The following ADGRL2 variants were observed in gnomAD, a reference collection of about 807,000 sequenced individuals.
ADGRL2 encodes the protein adhesion G protein-coupled receptor L2.
Under a neutral mutation model 157.4 loss-of-function variants are expected in ADGRL2, and 44 were observed. The observed-to-expected ratio is 0.28, with a 90% CI of 0.22 to 0.36. ADGRL2 has a LOEUF of 0.36. Ranked by LOEUF, ADGRL2 falls within the 10% of genes least tolerant of loss-of-function variation. ADGRL2 has a pLI of 1.00. For missense variants in ADGRL2, 1,510 were observed against 1,768.9 expected, an observed-to-expected ratio of 0.85 and a Z score of 2.63; for synonymous variants, 585 against 624.7, an observed-to-expected ratio of 0.94 and a Z score of 0.95.
chr1:81,817,112 C>T (rs556169240), intron 1 of ADGRL2, among the ~76,000 whole-genome samples: 2 of 152,008 alleles, frequency 1.3e-5, no homozygotes, highest in African/African-American at 4.8e-5. Context: ...ACGCTCCTAC[C>T]TTTTGTAGTC....
chr1:81,859,824 G>A (rs1466185643), intron 2 of ADGRL2, among the ~76,000 whole-genome samples: 3 of 151,928 alleles, frequency 2.0e-5, no homozygotes, highest in African/African-American at 7.3e-5. Context: ...TAAATCCTAA[G>A]CAAATTCAGA....
chr1:81,364,958 C>G (rs933964979), intron 1 of ADGRL2, among the ~76,000 whole-genome samples: 7 of 152,096 alleles, frequency 4.6e-5, no homozygotes, highest in African/African-American at 1.7e-4. Context: ...GCCACTGCCC[C>G]CAGCCGGTAA....
chr1:81,398,274 T>A (rs1223298498), intron 1 of ADGRL2, among the ~76,000 whole-genome samples: 1 of 152,188 alleles, frequency 6.6e-6, no homozygotes, highest in Non-Finnish European at 1.5e-5. Context: ...TGTATAACTT[T>A]TAAGTAAGGA....
At chr1:81,896,519 A>G (rs2094391994) in intron 2 of ADGRL2, among the ~76,000 whole-genome samples, 1 of 152,096 alleles carries the variant, frequency 6.6e-6, no homozygotes, top group African/African-American at 2.4e-5. Context: ...GATTTTTGAA[A>G]AAACATTTTC....
chr1:81,476,232 A>C (rs930405372), intron 2 of ADGRL2, among the ~76,000 whole-genome samples: 6 of 152,284 alleles, frequency 3.9e-5, no homozygotes, highest in African/African-American at 1.2e-4. Flanking sequence ...AGGAAGGAAG[A>C]AAGTACAATC....
chr1:81,747,809 T>C (rs1271155517), intron 1 of ADGRL2, among the ~76,000 whole-genome samples: 1 of 151,970 alleles, frequency 6.6e-6, no homozygotes, highest in Non-Finnish European at 1.5e-5. Flanking sequence ...GGTAGATTTC[T>C]TTTTATTGGA....
In ADGRL2 at chr1:81,906,994, T is replaced by C. The variant is rs781770647; in HGVS notation, c.74-23T>C. On this transcript the variant is annotated intron_variant, in intron 2 of 23. Transcript: ENST00000686636. ...ATCTTATAAATGAGTTACAGTTTAA[T>C]TTTCTTTCTTTTTTATTTTAAGGTT... is the stretch of plus-strand genomic sequence containing the variant. 2.5e-6 allele frequency: 4 copies of C among 1,577,718 alleles called. No homozygotes were observed. In the East Asian group the frequency reaches 6.8e-5, roughly 27 times the overall value.
chr1:81,721,029 A>G (rs1244208948), intron 1 of ADGRL2, among the ~76,000 whole-genome samples: 1 of 144,962 alleles, frequency 6.9e-6, no homozygotes, highest in Non-Finnish European at 1.5e-5. Flanking sequence ...AATTTAAACA[A>G]TTTCCTTTTT....
At chr1:81,455,790 G>A (rs1300030241) in intron 2 of ADGRL2, among the ~76,000 whole-genome samples, 1 of 152,128 alleles carries the variant, frequency 6.6e-6, no homozygotes, top group African/African-American at 2.4e-5. Context: ...AATTTGAAAC[G>A]TGAAAGACAT....
intron 1 of ADGRL2, among the ~76,000 whole-genome samples, chr1:81,732,919 T>C (rs1426375445): frequency 2.6e-5 from 4 of 152,242 alleles, no homozygotes; most frequent in Non-Finnish European, 4.4e-5. Flanking sequence ...ATGATAAGGG[T>C]TTTTATTTTG....
intron 1 of ADGRL2, among the ~76,000 whole-genome samples, chr1:81,746,647 G>A (rs1180009553): frequency 6.6e-6 from 1 of 151,976 alleles, no homozygotes; most frequent in African/African-American, 2.4e-5. Flanking sequence ...CTCTGAGAAT[G>A]AATTAGAAAA....
intron 2 of ADGRL2, among the ~76,000 whole-genome samples, chr1:81,556,292 C>T (rs1350611195): frequency 2.0e-5 from 3 of 150,782 alleles, no homozygotes; most frequent in Non-Finnish European, 2.9e-5. Flanking sequence ...TCCTCATCCC[C>T]CGATTCTCAG....
chr1:81,669,642 C>T (rs534660518), intron 3 of ADGRL2, among the ~76,000 whole-genome samples: 38 of 152,120 alleles, frequency 2.5e-4, no homozygotes, highest in African/African-American at 9.2e-4. Context: ...GCTCTAAGAG[C>T]ATTTAAAAGA....
At chr1:81,417,464 G>A (rs1295958386) in intron 1 of ADGRL2, among the ~76,000 whole-genome samples, 1 of 151,954 alleles carries the variant, frequency 6.6e-6, no homozygotes, top group Admixed American at 6.6e-5. Flanking sequence ...TGATTTTAGA[G>A]AATAGTAAGA....
chr1:81,879,834 C>T (rs2151186378), intron 2 of ADGRL2, among the ~76,000 whole-genome samples: 1 of 152,162 alleles, frequency 6.6e-6, no homozygotes, highest in African/African-American at 2.4e-5. Flanking sequence ...TGAGACCAGC[C>T]TGGCCAATGT....
intron 2 of ADGRL2, among the ~76,000 whole-genome samples, chr1:81,488,578 A>G (rs2078560011): frequency 6.6e-6 from 1 of 151,808 alleles, no homozygotes; most frequent in African/African-American, 2.4e-5. Flanking sequence ...ATATGGTGGC[A>G]CACACCTGTA....
At chr1:81,456,070 T>G (rs529413277) in intron 2 of ADGRL2, among the ~76,000 whole-genome samples, 1 of 152,354 alleles carries the variant, frequency 6.6e-6, no homozygotes, top group East Asian at 1.9e-4. Flanking sequence ...AGGGTCTTAG[T>G]AATTAATTTT....
intron 2 of ADGRL2, among the ~76,000 whole-genome samples, chr1:81,840,168 C>G (rs2150277594): frequency 6.6e-6 from 1 of 152,082 alleles, no homozygotes; most frequent in South Asian, 2.1e-4. Context: ...CAAGAAAGTG[C>G]TTGTCAGAGG....
intron 2 of ADGRL2, among the ~76,000 whole-genome samples, chr1:81,885,655 A>T (rs1418886287): frequency 6.6e-6 from 1 of 152,218 alleles, no homozygotes; most frequent in Non-Finnish European, 1.5e-5. Flanking sequence ...AGAATGCATG[A>T]TAAGGCTTGG....
Sources: gnomAD v4.1 joint callset for allele counts (sites outside exome capture counted in the v4.1 genomes callset) on GRCh38, gnomAD v4.1.1 for gene constraint, MANE v1.5 for transcripts, NCBI Gene and HGNC (gene_info 2026-07-23, HGNC 2026-07-21) for gene names.